MDGA2: variants seen among roughly 807,000 people sequenced by gnomAD.
MDGA2 encodes the protein MAM domain-containing glycosylphosphatidylinositol anchor protein 2.
A neutral mutation model predicts 117.8 loss-of-function variants in MDGA2; 40 were observed. The ratio of observed to expected loss-of-function variants is 0.34; its 90% CI spans 0.26 to 0.44. The LOEUF is 0.44. Among genes scored for constraint, MDGA2 ranks in the 20% least tolerant of loss-of-function variants. MDGA2 has a pLI of 1.00. For synonymous variants in MDGA2, 452 were observed against 439.0 expected (o/e 1.03, Z -0.37); for missense variants, 1,123 against 1,250.6 (o/e 0.90, Z 1.54).
intron 1 of MDGA2, among the ~76,000 whole-genome samples, chr14:47,578,224 AG>A (rs1896152240): frequency 6.6e-6 from 1 of 151,946 alleles, no homozygotes; most frequent in African/African-American, 2.4e-5. Context: ...GGACACAGAG[AG>A]GGGAACAACA....
intron 6 of MDGA2, among the ~76,000 whole-genome samples, chr14:47,088,298 C>A (rs1486551526): frequency 1.3e-5 from 2 of 152,038 alleles, no homozygotes; most frequent in African/African-American, 4.8e-5. Flanking sequence ...TAATAACATT[C>A]TCTCTGGTGT....
chr14:47,011,113 C>T (rs1887882744), intron 8 of MDGA2, among the ~76,000 whole-genome samples: 1 of 151,830 alleles, frequency 6.6e-6, no homozygotes, highest in Non-Finnish European at 1.5e-5. Flanking sequence ...GAATTTGGAG[C>T]TGGGCAAAGA....
intron 1 of MDGA2, among the ~76,000 whole-genome samples, chr14:47,530,198 T>G (rs1226694462): frequency 6.6e-6 from 1 of 152,148 alleles, no homozygotes; most frequent in Non-Finnish European, 1.5e-5. Flanking sequence ...GAGGGGCGCC[T>G]GTTCATATGG....
At chr14:47,323,455 G>C (rs1566738599) in intron 1 of MDGA2, among the ~76,000 whole-genome samples, 1 of 151,558 alleles carries the variant, frequency 6.6e-6, no homozygotes, top group African/African-American at 2.4e-5. Context: ...GAGAAATCCT[G>C]TCTCTACTAA....
intron 1 of MDGA2, among the ~76,000 whole-genome samples, chr14:47,335,728 T>C (rs1332583413): frequency 2.8e-5 from 1 of 36,346 alleles, no homozygotes; most frequent in African/African-American, 9.1e-5. Context: ...CATGCACACA[T>C]ATATTTTATA....
chr14:46,971,712 A>C (rs908243488), intron 8 of MDGA2, among the ~76,000 whole-genome samples: 6 of 152,092 alleles, frequency 3.9e-5, no homozygotes, highest in African/African-American at 1.4e-4. Flanking sequence ...ACAGGTATAT[A>C]GTTAAAGAGG....
chr14:47,523,195 T>A (rs899062932), intron 1 of MDGA2, among the ~76,000 whole-genome samples: 3 of 152,094 alleles, frequency 2.0e-5, no homozygotes, highest in African/African-American at 7.2e-5. Context: ...AATGAAAATA[T>A]AATCAAGTCC....
intron 1 of MDGA2, among the ~76,000 whole-genome samples, chr14:47,657,706 G>A (rs1897770495): frequency 1.3e-5 from 2 of 152,090 alleles, no homozygotes; most frequent in South Asian, 2.1e-4. Context: ...TCCTAACATT[G>A]TACTAACCAA....
chr14:46,846,408 A>G (rs1227280862), intron 15 of MDGA2, among the ~76,000 whole-genome samples: 1 of 152,124 alleles, frequency 6.6e-6, no homozygotes, highest in African/African-American at 2.4e-5. Context: ...TGTTGACTTT[A>G]TAATTTACCT....
At chr14:46,995,680 C>T (rs1887263119) in intron 8 of MDGA2, among the ~76,000 whole-genome samples, 1 of 151,278 alleles carries the variant, frequency 6.6e-6, no homozygotes, top group Non-Finnish European at 1.5e-5. Context: ...GAAACTTCTT[C>T]AATATACTTT....
intron 1 of MDGA2, among the ~76,000 whole-genome samples, chr14:47,373,448 C>G (rs879595526): frequency 6.6e-6 from 1 of 151,994 alleles, no homozygotes; most frequent in Non-Finnish European, 1.5e-5. Flanking sequence ...TGTGGCATAT[C>G]CATATAATGA....
rs530220781 is a variant in MDGA2 at position 47,205,464 on chromosome 14, G to A, written c.595+12557C>T. 3.3e-5 allele frequency among the ~76,000 whole-genome samples: 5 copies of A among 151,892 alleles called. No homozygotes were observed. The South Asian group carries it at 1.0e-3, about 32-fold the overall frequency. On this transcript the variant is annotated intron_variant, in intron 3 of 16. Coordinates refer to ENST00000399232, the MANE Select transcript of MDGA2 (RefSeq NM_001113498.3). ...ATTGGTACATTATTAAAATTATTCA[G>A]AACTGTTCTTAGAAAAAGAAAGTAA...
At chr14:47,543,021 G>C (rs144065262) in intron 1 of MDGA2, among the ~76,000 whole-genome samples, 1 of 152,200 alleles carries the variant, frequency 6.6e-6, no homozygotes, top group East Asian at 1.9e-4. Flanking sequence ...ACCTTCCTGA[G>C]AAACATGGCA....
intron 8 of MDGA2, among the ~76,000 whole-genome samples, chr14:46,990,565 C>T (rs761032718): frequency 2.0e-5 from 3 of 151,910 alleles, no homozygotes; most frequent in Non-Finnish European, 4.4e-5. Context: ...AAATTGTTAA[C>T]CACTCCTTTT....
chr14:47,490,692 G>A (rs1894150943), intron 1 of MDGA2, among the ~76,000 whole-genome samples: 1 of 152,062 alleles, frequency 6.6e-6, no homozygotes, highest in Admixed American at 6.6e-5. Flanking sequence ...TATGATGTAA[G>A]AATTTACAAA....
At chr14:47,549,199 G>C (rs1363625044) in intron 1 of MDGA2, among the ~76,000 whole-genome samples, 1 of 152,040 alleles carries the variant, frequency 6.6e-6, no homozygotes, top group African/African-American at 2.4e-5. Context: ...GATGAACATA[G>C]AGAAAGCAAA....
intron 2 of MDGA2, among the ~76,000 whole-genome samples, chr14:47,234,460 C>T (rs907620077): frequency 6.6e-6 from 1 of 151,968 alleles, no homozygotes; most frequent in Non-Finnish European, 1.5e-5. Flanking sequence ...ATGATAAAAA[C>T]CTAGGATCTC....
At chr14:47,383,115 A>G (rs1372934281) in intron 1 of MDGA2, among the ~76,000 whole-genome samples, 1 of 152,176 alleles carries the variant, frequency 6.6e-6, no homozygotes, top group Non-Finnish European at 1.5e-5. Flanking sequence ...CAGAAAACCA[A>G]ACACTGCATG....
intron 9 of MDGA2, among the ~76,000 whole-genome samples, chr14:46,947,171 C>T (rs985246059): frequency 2.0e-5 from 3 of 151,846 alleles, no homozygotes; most frequent in Non-Finnish European, 2.9e-5. Flanking sequence ...TTCATTGTGT[C>T]CTCGCAATTA....
Sources: allele counts gnomAD v4.1 joint callset (sites outside exome capture counted in the v4.1 genomes callset), GRCh38; gene constraint gnomAD v4.1.1; transcripts MANE v1.5; gene names NCBI Gene and HGNC (gene_info 2026-07-23, HGNC 2026-07-21).